Variants in ZMAT4 observed in about 807,000 individuals in gnomAD.
ZMAT4 encodes the protein zinc finger matrin-type 4.
Under a neutral mutation model 28.7 loss-of-function variants are expected in ZMAT4, and 17 were observed. The ratio of observed to expected loss-of-function variants is 0.59; its 90% CI spans 0.41 to 0.89. ZMAT4 has a LOEUF of 0.89. Among genes scored for constraint, ZMAT4 ranks in the 40% least tolerant of loss-of-function variants. The pLI, the probability that ZMAT4 is intolerant of heterozygous loss-of-function variation, is 0.00. For missense variants in ZMAT4, 240 were observed against 283.8 expected (o/e 0.85, Z 1.11); for synonymous variants, 117 against 109.2 (o/e 1.07, Z -0.44).
At chr8:40,785,228 G>A (rs902353665) in intron 2 of ZMAT4, among the ~76,000 whole-genome samples, 15 of 152,184 alleles carry the variant, frequency 9.9e-5, no homozygotes, top group African/African-American at 3.4e-4. Context: ...TGTATCTCCA[G>A]AACACTAATT....
chr8:40,563,612 A>T (rs1046358753), intron 6 of ZMAT4, among the ~76,000 whole-genome samples: 1 of 152,216 alleles, frequency 6.6e-6, no homozygotes, highest in Non-Finnish European at 1.5e-5. Context: ...GAAAAAACAG[A>T]TAAGAACATG....
intron 1 of ZMAT4, among the ~76,000 whole-genome samples, chr8:40,896,907 TG>T (rs1200795181): frequency 6.6e-6 from 1 of 151,512 alleles, no homozygotes; most frequent in Non-Finnish European, 1.5e-5. Flanking sequence ...GCACCCCTTC[TG>T]GGGACAAGGG....
At chr8:40,768,717 C>T (rs1355625451) in intron 2 of ZMAT4, among the ~76,000 whole-genome samples, 1 of 152,166 alleles carries the variant, frequency 6.6e-6, no homozygotes, top group Non-Finnish European at 1.5e-5. Flanking sequence ...TCAAATGAGA[C>T]ATTGCATATG....
chr8:40,864,990 G>A (rs1817626356), intron 1 of ZMAT4, among the ~76,000 whole-genome samples: 1 of 151,886 alleles, frequency 6.6e-6, no homozygotes, highest in South Asian at 2.1e-4. Flanking sequence ...TAAATAAAAG[G>A]GTGACATTGC....
intron 6 of ZMAT4, among the ~76,000 whole-genome samples, chr8:40,549,201 T>G (rs563080137): frequency 1.3e-5 from 2 of 152,250 alleles, no homozygotes; most frequent in African/African-American, 4.8e-5. Flanking sequence ...CACCTTGAAC[T>G]TGGACTTCCC....
intron 3 of ZMAT4, among the ~76,000 whole-genome samples, chr8:40,753,057 C>CCCA (rs1812524348): frequency 4.5e-5 from 1 of 22,378 alleles, no homozygotes; most frequent in African/African-American, 1.1e-4. Context: ...CCCCCACCCC[C>CCCA]CAACAGGCCC....
At position 40,555,206 on chromosome 8, in the gene ZMAT4, C is replaced by A. The variant is rs117571842; in HGVS notation, c.675-22968G>T. On this transcript the variant is annotated intron_variant, in intron 6 of 6. Transcript: ENST00000297737. Reference sequence around the variant, plus strand: ...TGTGTATATACTACATTTTCTTTATCCTTTCATCCATTGATGGACACTTAG... The same window carrying A: ...TGTGTATATACTACATTTTCTTTATACTTTCATCCATTGATGGACACTTAG... Among the ~76,000 whole-genome samples, 767 of 152,152 alleles carry A rather than the reference C, an allele frequency of 5.0e-3. 1 individual carries two copies. Among genetic ancestry groups the A allele is most frequent in the Non-Finnish European group, 7.9e-3 (537 of 67,982 alleles).
At chr8:40,759,220 T>TCCCTCG (rs1163544544) in intron 3 of ZMAT4, among the ~76,000 whole-genome samples, 2 of 140,304 alleles carry the variant, frequency 1.4e-5, no homozygotes, top group Non-Finnish European at 3.0e-5. Flanking sequence ...AGGTGGAGGT[T>TCCCTCG]GCAGTGAGCC....
chr8:40,889,757 T>G (rs1172043368), intron 1 of ZMAT4, among the ~76,000 whole-genome samples: 2 of 152,244 alleles, frequency 1.3e-5, no homozygotes, highest in African/African-American at 4.8e-5. Flanking sequence ...CATAATATAT[T>G]TAATTAATGC....
chr8:40,738,392 G>A (rs1811865420), intron 3 of ZMAT4, among the ~76,000 whole-genome samples: 1 of 152,196 alleles, frequency 6.6e-6, no homozygotes, highest in Non-Finnish European at 1.5e-5. Context: ...GGAGGTGAAA[G>A]TTGTGCAAGG....
intron 3 of ZMAT4, among the ~76,000 whole-genome samples, chr8:40,751,693 C>G (rs934625780): frequency 6.6e-6 from 1 of 152,040 alleles, no homozygotes; most frequent in African/African-American, 2.4e-5. Context: ...CAGCGATGAC[C>G]AAGAGAGACA....
intron 2 of ZMAT4, among the ~76,000 whole-genome samples, chr8:40,811,470 T>G (rs1170225160): frequency 6.6e-6 from 1 of 152,088 alleles, no homozygotes; most frequent in Non-Finnish European, 1.5e-5. Context: ...AAAATAGCAA[T>G]CAGGAGGCAT....
chr8:40,744,666 G>A (rs906997777), intron 3 of ZMAT4, among the ~76,000 whole-genome samples: 2 of 152,064 alleles, frequency 1.3e-5, no homozygotes, highest in Non-Finnish European at 2.9e-5. Flanking sequence ...CAGGTATTAG[G>A]TTCTTTTGGG....
At chr8:40,807,720 A>G (rs571507199) in intron 2 of ZMAT4, among the ~76,000 whole-genome samples, 93 of 152,292 alleles carry the variant, frequency 6.1e-4, no homozygotes, top group Non-Finnish European at 1.1e-3. Flanking sequence ...CATTTCATGA[A>G]AAATTCTAAA....
At chr8:40,609,608 A>G (rs1805721962) in intron 5 of ZMAT4, among the ~76,000 whole-genome samples, 1 of 152,184 alleles carries the variant, frequency 6.6e-6, no homozygotes, top group Non-Finnish European at 1.5e-5. Context: ...ACCATCAGTC[A>G]TTTGAACTTA....
At chr8:40,640,249 AT>A (rs1806960497) in intron 5 of ZMAT4, among the ~76,000 whole-genome samples, 1 of 152,204 alleles carries the variant, frequency 6.6e-6, no homozygotes, top group Admixed American at 6.5e-5. Context: ...AAATGTTGAG[AT>A]TACAGGTGTG....
At chr8:40,808,131 A>T (rs1815166558) in intron 2 of ZMAT4, among the ~76,000 whole-genome samples, 2 of 152,208 alleles carry the variant, frequency 1.3e-5, no homozygotes, top group South Asian at 4.1e-4. Context: ...TCTCTGGATC[A>T]TCATAATTAT....
chr8:40,638,745 G>A (rs1179545702), intron 5 of ZMAT4, among the ~76,000 whole-genome samples: 1 of 152,186 alleles, frequency 6.6e-6, no homozygotes, highest in Non-Finnish European at 1.5e-5. Flanking sequence ...GGAGAAAATG[G>A]AACACAAACC....
intron 5 of ZMAT4, among the ~76,000 whole-genome samples, chr8:40,607,072 T>C (rs1219221933): frequency 4.0e-5 from 6 of 151,628 alleles, no homozygotes; most frequent in African/African-American, 1.5e-4. Flanking sequence ...GTTTTTTATT[T>C]ATGCTTTCTA....
Sources: allele counts gnomAD v4.1 joint callset (sites outside exome capture counted in the v4.1 genomes callset), GRCh38; gene constraint gnomAD v4.1.1; transcripts MANE v1.5; gene names NCBI Gene and HGNC (gene_info 2026-07-23, HGNC 2026-07-21).